The following PTPRD variants were observed in gnomAD, a reference collection of about 807,000 sequenced individuals.
The protein encoded by PTPRD is receptor-type tyrosine-protein phosphatase delta.
A neutral mutation model predicts 214.5 loss-of-function variants in PTPRD; 34 were observed. The ratio of observed to expected loss-of-function variants is 0.16; its 90% CI spans 0.12 to 0.21. The LOEUF (loss-of-function observed/expected upper bound fraction) is 0.21, where lower values mean the gene tolerates loss of function less well. Among genes scored for constraint, PTPRD ranks in the 10% least tolerant of loss-of-function variants. The probability of loss-of-function intolerance (pLI) is 1.00; values close to 1 mark genes in which losing one functional copy is unlikely to be tolerated. For missense variants in PTPRD, 2,545 were observed against 2,398.7 expected (o/e 1.06, Z -1.27); for synonymous variants, 1,128 against 845.7 (o/e 1.33, Z -5.79).
chr9:9,102,337 A>G (rs960264428), intron 10 of PTPRD, among the ~76,000 whole-genome samples: 11 of 152,188 alleles, frequency 7.2e-5, no homozygotes, highest in Non-Finnish European at 4.4e-5. Flanking sequence ...GGCCACCAAC[A>G]GGTAGTGCCT....
chr9:9,729,413 C>T (rs1291136850), intron 7 of PTPRD, among the ~76,000 whole-genome samples: 10 of 152,046 alleles, frequency 6.6e-5, no homozygotes, highest in Admixed American at 2.0e-4. Context: ...TACTTTACTT[C>T]CATTTTCCCT....
intron 2 of PTPRD, among the ~76,000 whole-genome samples, chr9:10,511,232 T>C (rs889589601): frequency 6.6e-6 from 1 of 152,178 alleles, no homozygotes; most frequent in African/African-American, 2.4e-5. Context: ...AAAACCTTCA[T>C]AGGCAAGTTA....
chr9:10,608,135 ATATT>A (rs1304985562), intron 2 of PTPRD, among the ~76,000 whole-genome samples: 1 of 151,994 alleles, frequency 6.6e-6, no homozygotes, highest in Non-Finnish European at 1.5e-5. Context: ...GGAATAATAT[ATATT>A]TATTTAAATT....
intron 32 of PTPRD, among the ~76,000 whole-genome samples, chr9:8,463,436 C>T (rs1258229479): frequency 6.6e-6 from 1 of 151,366 alleles, no homozygotes; most frequent in Non-Finnish European, 1.5e-5. Context: ...GCTTTACCCA[C>T]TCCATTTTGT....
intron 39 of PTPRD, among the ~76,000 whole-genome samples, chr9:8,359,142 AAAAAAAT>A (rs2077788768): frequency 2.3e-5 from 3 of 132,826 alleles, no homozygotes; most frequent in Non-Finnish European, 4.9e-5. Flanking sequence ...AAAAAAACAA[AAAAAAAT>A]TGAATCAGAT....
chr9:9,545,195 T>C (rs2078494856), intron 8 of PTPRD, among the ~76,000 whole-genome samples: 1 of 151,696 alleles, frequency 6.6e-6, no homozygotes, highest in African/African-American at 2.4e-5. Flanking sequence ...ATGCATGAGT[T>C]CAAACTCATT....
chr9:10,592,244 G>A (rs1923436), intron 2 of PTPRD, among the ~76,000 whole-genome samples: 21,157 of 151,926 alleles, frequency 0.14, 2,166 homozygotes, highest in East Asian at 0.56. Flanking sequence ...GCTAAGTGGG[G>A]AGATGTCCTA....
At chr9:9,503,834 A>G (rs920780670) in intron 8 of PTPRD, among the ~76,000 whole-genome samples, 1 of 151,784 alleles carries the variant, frequency 6.6e-6, no homozygotes, top group Admixed American at 6.6e-5. Context: ...AAGACTGCAA[A>G]AACCATAACT....
At chr9:10,502,890 C>T (rs1024447427) in intron 2 of PTPRD, among the ~76,000 whole-genome samples, 2 of 152,116 alleles carry the variant, frequency 1.3e-5, no homozygotes, top group African/African-American at 2.4e-5. Context: ...CTAAAACATT[C>T]TAACATATTG....
At chr9:10,441,934 C>T (rs183710865) in intron 2 of PTPRD, among the ~76,000 whole-genome samples, 11,503 of 151,542 alleles carry the variant, frequency 0.076, 702 homozygotes, top group African/African-American at 0.16. Flanking sequence ...AATATGTCTA[C>T]TGTCACAAGA....
rs1339924828 is a variant in PTPRD at position 8,332,143 on chromosome 9, C to CAGAAACTAATTACTTTGTAATAA, written c.5380-430_5380-408dup. Among the ~76,000 whole-genome samples the CAGAAACTAATTACTTTGTAATAA allele has an allele frequency of 3.3e-5, 5 of 152,224 alleles. No homozygotes were observed. The East Asian group carries it at 9.7e-4, about 29-fold the overall frequency. The stretch of plus-strand genomic sequence containing the variant: ...CATATATATTCCATTTCAAAAATTT[C>CAGAAACTAATTACTTTGTAATAA]AGAAACTAATTACTTTGTAATAAAT... On this transcript the variant is annotated intron_variant, in intron 43 of 45. Coordinates refer to ENST00000381196, the MANE Select transcript of PTPRD (RefSeq NM_002839.4).
chr9:9,256,821 C>A (rs180848216), intron 9 of PTPRD, among the ~76,000 whole-genome samples: 7 of 152,088 alleles, frequency 4.6e-5, no homozygotes, highest in African/African-American at 1.7e-4. Context: ...ACCCCAGCTG[C>A]CTCTCTGCTT....
At chr9:9,647,840 T>C (rs1238252800) in intron 7 of PTPRD, among the ~76,000 whole-genome samples, 1 of 152,192 alleles carries the variant, frequency 6.6e-6, no homozygotes, top group African/African-American at 2.4e-5. Context: ...AAATTTAAAA[T>C]AGAAGTTCAA....
At chr9:9,432,167 T>C (rs1157403609) in intron 8 of PTPRD, among the ~76,000 whole-genome samples, 6 of 151,392 alleles carry the variant, frequency 4.0e-5, no homozygotes, top group African/African-American at 1.5e-4. Context: ...CATGAAGCAG[T>C]GTTTATAGAA....
intron 3 of PTPRD, among the ~76,000 whole-genome samples, chr9:10,280,331 T>G (rs967982217): frequency 2.7e-5 from 4 of 147,826 alleles, no homozygotes; most frequent in African/African-American, 1.1e-4. Flanking sequence ...GTAGATGAAG[T>G]AGGAGAAAAA....
At chr9:8,582,794 C>T (rs575077878) in intron 14 of PTPRD, among the ~76,000 whole-genome samples, 31 of 152,234 alleles carry the variant, frequency 2.0e-4, no homozygotes, top group African/African-American at 7.0e-4. Context: ...GAAATATAAA[C>T]TGGGACAATC....
At chr9:8,937,092 T>TTA (rs397775951) in intron 11 of PTPRD, among the ~76,000 whole-genome samples, 1 of 151,748 alleles carries the variant, frequency 6.6e-6, no homozygotes, top group African/African-American at 2.4e-5. Context: ...GTAGTTTTTT[T>TTA]ACCGCATCAT....
intron 9 of PTPRD, among the ~76,000 whole-genome samples, chr9:9,194,884 T>C (rs1177823519): frequency 6.6e-6 from 1 of 151,918 alleles, no homozygotes; most frequent in Non-Finnish European, 1.5e-5. Flanking sequence ...GCTTATAAAG[T>C]TTGTATCTTT....
Position 8,567,455 on chromosome 9 carries a change from T to A in PTPRD, c.353-38676A>T, listed in dbSNP as rs184163381. On this transcript the variant is annotated intron_variant, in intron 14 of 45. Coordinates refer to ENST00000381196, the MANE Select transcript of PTPRD (RefSeq NM_002839.4). Reference sequence around the variant, plus strand: ...CCATAGTACCATGGGCACATGTCCTTCTTCACTAAGGATACCACATTGCAG... The same window carrying A: ...CCATAGTACCATGGGCACATGTCCTACTTCACTAAGGATACCACATTGCAG... Among the ~76,000 whole-genome samples, 248 of 152,304 alleles carry A rather than the reference T, an allele frequency of 1.6e-3. 2 individuals are homozygous for A. The highest frequency in any genetic ancestry group is 3.7e-3 in the Admixed American group (57 of 15,294).
Sources: gnomAD v4.1 joint callset for allele counts (sites outside exome capture counted in the v4.1 genomes callset) on GRCh38, gnomAD v4.1.1 for gene constraint, MANE v1.5 for transcripts, NCBI Gene and HGNC (gene_info 2026-07-23, HGNC 2026-07-21) for gene names.